Variants in LRRK2 observed in about 807,000 individuals in gnomAD.
LRRK2 encodes leucine rich repeat kinase 2, also known as leucine-rich repeat serine/threonine-protein kinase 2.
A neutral mutation model predicts 302.6 loss-of-function variants in LRRK2; 203 were observed. The observed-to-expected ratio is 0.67, with a 90% CI of 0.60 to 0.75. The LOEUF is 0.75. LRRK2 is among the 30% of genes least tolerant of loss of function. The pLI, the probability that LRRK2 is intolerant of heterozygous loss-of-function variation, is 0.00. For synonymous variants in LRRK2, 1,066 were observed against 1,031.9 expected, an observed-to-expected ratio of 1.03 and a Z score of -0.63; for missense variants, 2,830 against 2,951.0, an observed-to-expected ratio of 0.96 and a Z score of 0.95.
intron 43 of LRRK2, among the ~76,000 whole-genome samples, chr12:40,350,147 T>A (rs1946310113): frequency 6.6e-6 from 1 of 152,232 alleles, no homozygotes; most frequent in Non-Finnish European, 1.5e-5. Flanking sequence ...CCTTCTTGTT[T>A]ATGCTGAATA....
At chr12:40,310,020 A>C (rs1006776254) in intron 30 of LRRK2, among the ~76,000 whole-genome samples, 2 of 152,212 alleles carry the variant, frequency 1.3e-5, no homozygotes, top group African/African-American at 4.8e-5. Context: ...TTGACTTTAA[A>C]ACGAATTTAG....
intron 26 of LRRK2, among the ~76,000 whole-genome samples, chr12:40,303,725 T>C (rs935390786): frequency 2.0e-5 from 3 of 152,120 alleles, no homozygotes; most frequent in African/African-American, 7.2e-5. Context: ...GCCACTGTTA[T>C]TATCTCCACT....
intron 7 of LRRK2, among the ~76,000 whole-genome samples, chr12:40,244,686 C>T (rs996636700): frequency 7.4e-6 from 1 of 135,352 alleles, no homozygotes. Flanking sequence ...GTAGGTTATA[C>T]GTATTGAAAA....
chr12:40,330,743 C>G (rs1301935140), intron 39 of LRRK2, among the ~76,000 whole-genome samples: 1 of 152,122 alleles, frequency 6.6e-6, no homozygotes, highest in East Asian at 1.9e-4. Flanking sequence ...TTCATTATTG[C>G]TTATCATTGC....
chr12:40,356,094 T>C, intron 45 of LRRK2, 21 bp from the exon 46 acceptor site: 1 of 1,573,910 alleles, frequency 6.4e-7, no homozygotes, highest in Non-Finnish European at 8.7e-7. Flanking sequence ...TTTGTAACAA[T>C]TTCAACATTT....
intron 41 of LRRK2, among the ~76,000 whole-genome samples, chr12:40,342,318 C>A (rs1304004056): frequency 6.6e-6 from 1 of 152,158 alleles, no homozygotes; most frequent in South Asian, 2.1e-4. Context: ...TAATATCCAT[C>A]TGATTCTTCA....
At chr12:40,348,872 T>A (rs939040903) in intron 43 of LRRK2, among the ~76,000 whole-genome samples, 1 of 152,086 alleles carries the variant, frequency 6.6e-6, no homozygotes, top group Non-Finnish European at 1.5e-5. Context: ...GCTGGTGGCT[T>A]GCTTTTTAAA....
At chr12:40,280,621 T>TTAAATAAAATCAAA (rs147801391) in intron 18 of LRRK2, among the ~76,000 whole-genome samples, 1 of 132,564 alleles carries the variant, frequency 7.5e-6, no homozygotes. Flanking sequence ...CCAGACCCTG[T>TTAAATAAAATCAAA]TAAAATAAAA....
chr12:40,362,560 AAT>A (rs1946745856), intron 47 of LRRK2, among the ~76,000 whole-genome samples: 1 of 152,010 alleles, frequency 6.6e-6, no homozygotes, highest in African/African-American at 2.4e-5. Flanking sequence ...GGGATGCACT[AAT>A]AAAGACAATT....
At chr12:40,357,500 T>A (rs1401942363) in intron 46 of LRRK2, among the ~76,000 whole-genome samples, 13 of 152,284 alleles carry the variant, frequency 8.5e-5, no homozygotes, top group Middle Eastern at 3.4e-3. Flanking sequence ...TATTTTTAAT[T>A]TTTTTGAGAA....
Position 40,315,137 on chromosome 12 carries a change from A to G in LRRK2, c.4739-75A>G. The G allele has an allele frequency of 1.7e-5, 21 of 1,204,820 alleles. No individual in the cohort carries two copies. The South Asian group carries it at 1.8e-4, about 10-fold the overall frequency. The allele number at this position is 1,204,820 out of a possible 1,614,324, so 74.6% of individuals were successfully genotyped here. Reference sequence around the variant, plus strand: ...TTCACCTGCAAAATGAGGAAGTTGGACTAGATTTTTTCTAAAGCCCCTTGA... The same window carrying G: ...TTCACCTGCAAAATGAGGAAGTTGGGCTAGATTTTTTCTAAAGCCCCTTGA... On this transcript the variant is annotated intron_variant, in intron 32 of 50. Coordinates refer to ENST00000298910, the MANE Select transcript of LRRK2 (RefSeq NM_198578.4).
intron 44 of LRRK2, among the ~76,000 whole-genome samples, chr12:40,352,435 T>C (rs1015306423): frequency 3.3e-5 from 5 of 150,616 alleles, no homozygotes; most frequent in Non-Finnish European, 5.9e-5. Flanking sequence ...AAGATAAATA[T>C]TGTGCCTCAA....
intron 20 of LRRK2, among the ~76,000 whole-genome samples, chr12:40,289,240 A>G (rs1032168443): frequency 6.6e-6 from 1 of 151,684 alleles, no homozygotes; most frequent in Non-Finnish European, 1.5e-5. Flanking sequence ...CTATTTTAGC[A>G]TTATTTATTC....
chr12:40,277,303 G>A (rs948964513), intron 16 of LRRK2, among the ~76,000 whole-genome samples: 3 of 152,036 alleles, frequency 2.0e-5, no homozygotes, highest in East Asian at 1.9e-4. Context: ...AAAAAGTAAC[G>A]GTGTTCTTTA....
intron 42 of LRRK2, among the ~76,000 whole-genome samples, chr12:40,347,546 T>A (rs551370123): frequency 2.0e-4 from 31 of 152,362 alleles, no homozygotes; most frequent in Non-Finnish European, 4.0e-4. Context: ...GTACAGGAAA[T>A]AGAGCTTTAT....
intron 13 of LRRK2, 82 bp downstream of exon 13, chr12:40,259,686 A>G: frequency 1.3e-6 from 2 of 1,538,576 alleles, no homozygotes; most frequent in Non-Finnish European, 1.8e-6. Context: ...TATTCTAGGC[A>G]AATATTAAAA....
intron 7 of LRRK2, among the ~76,000 whole-genome samples, chr12:40,245,371 G>A (rs1941933715): frequency 6.6e-6 from 1 of 151,916 alleles, no homozygotes; most frequent in African/African-American, 2.4e-5. Context: ...TTCTGTCCTT[G>A]GCGTTCTGTT....
intron 27 of LRRK2, 123 bp from the exon 28 acceptor site, chr12:40,305,662 G>T (rs954304728): frequency 2.4e-6 from 2 of 844,010 alleles, no homozygotes; most frequent in Non-Finnish European, 4.0e-6. Flanking sequence ...TTAAAACTCT[G>T]TTGAAAGGTT....
chr12:40,292,099 C>G (rs1288707737), intron 20 of LRRK2, among the ~76,000 whole-genome samples: 1 of 152,034 alleles, frequency 6.6e-6, no homozygotes, highest in Non-Finnish European at 1.5e-5. Context: ...TCCCAGCTAT[C>G]TCAGTCTCCA....
Sources: gnomAD v4.1 joint callset for allele counts (sites outside exome capture counted in the v4.1 genomes callset) on GRCh38, gnomAD v4.1.1 for gene constraint, MANE v1.5 for transcripts, NCBI Gene and HGNC (gene_info 2026-07-23, HGNC 2026-07-21) for gene names.